MCM9: variants seen among roughly 807,000 people sequenced by gnomAD.
The protein encoded by MCM9 is DNA helicase MCM9.
Under a neutral mutation model 72.8 loss-of-function variants are expected in MCM9, and 55 were observed. That is an observed-to-expected ratio of 0.76 (90% CI 0.61 to 0.95). MCM9 has a LOEUF of 0.95. MCM9 is among the 40% of genes least tolerant of loss of function. The pLI is 0.00. For synonymous variants in MCM9, 480 were observed against 503.4 expected (o/e 0.95, Z 0.62); for missense variants, 1,279 against 1,377.0 (o/e 0.93, Z 1.13).
At chr6:118,868,008 T>C (rs1004679191) in intron 8 of MCM9, among the ~76,000 whole-genome samples, 1 of 151,460 alleles carries the variant, frequency 6.6e-6, no homozygotes, top group African/African-American at 2.4e-5. Context: ...TCCAGAGTAG[T>C]TGGGACTACA....
In MCM9 at chr6:118,815,583, G is replaced by T. The variant is rs1403122717; in HGVS notation, c.2673C>A (p.Pro891=). ...CAAGGGATTTCGGTCTCTTTCTTTTGGGTGAGTCCAGCATTCTGTCTGGGC... is the reference window on the plus strand; with the variant it reads ...CAAGGGATTTCGGTCTCTTTCTTTTTGGTGAGTCCAGCATTCTGTCTGGGC... ...VHSPDRMLDS[P]KRKRPKSLAQ... Residue 891 remains proline (P), a synonymous_variant, in exon 14 of 14, where the codon CCC becomes CCA. Transcript: ENST00000619706. The T allele has an allele frequency of 2.6e-6, 4 of 1,550,232 alleles. No individual in the cohort carries two copies. Among genetic ancestry groups the T allele is most frequent in the Non-Finnish European group, 3.5e-6 (4 of 1,146,880 alleles).
rs554695966 is a variant in MCM9 at position 118,826,237 on chromosome 6, G to C, written c.1871C>G (p.Pro624Arg). The C allele has an allele frequency of 7.7e-6, 12 of 1,550,420 alleles. No individual in the cohort carries two copies. In the South Asian group the frequency reaches 1.4e-4, roughly 18 times the overall value. Residue 624 changes from proline (P) to arginine (R), a missense_variant, in exon 13 of 14, where the codon CCT (proline) becomes CGT (arginine). Physicochemically the swap from Pro to Arg is moderately radical, Grantham distance 103 (BLOSUM62 -2). Coordinates refer to ENST00000619706, the MANE Select transcript of MCM9 (RefSeq NM_017696.3). ...ACACTGTCTCTGGTACTGCTCTCCA[G>C]GGTTTTCAGGAAAGGAAGTGTGGAG... is the stretch of plus-strand genomic sequence containing the variant. ...NALHTSFPEN[P>R]GEQYQRQCEL... is the part of the protein sequence containing the mutation.
Position 118,889,830 on chromosome 6 carries a change from C to A in MCM9, c.1150+21820G>T, listed in dbSNP as rs867108698. Among the ~76,000 whole-genome samples the A allele has an allele frequency of 8.5e-5, 13 of 152,108 alleles. No homozygotes were observed. The South Asian group carries it at 2.1e-3, about 24-fold the overall frequency. On this transcript the variant is annotated intron_variant, in intron 8 of 13. Transcript: ENST00000619706. ...TGCAAAAGGTGTTTTACAGTATAGT[C>A]CAGCTATGGATAAGGGATCAGATAT... is the stretch of plus-strand genomic sequence containing the variant.
chr6:118,877,209 C>T (rs1777989759), intron 8 of MCM9, among the ~76,000 whole-genome samples: 1 of 152,190 alleles, frequency 6.6e-6, no homozygotes, highest in Admixed American at 6.5e-5. Context: ...GAAAGTGGAT[C>T]CTCCAGCCCC....
At chr6:118,906,375 A>G (rs972219164) in intron 8 of MCM9, among the ~76,000 whole-genome samples, 2 of 152,128 alleles carry the variant, frequency 1.3e-5, no homozygotes, top group Admixed American at 6.6e-5. Context: ...GCCCAGAGAA[A>G]GTACTTCTTG....
At chr6:118,825,882 C>G (rs527304171) in intron 13 of MCM9, among the ~76,000 whole-genome samples, 9 of 152,240 alleles carry the variant, frequency 5.9e-5, no homozygotes, top group African/African-American at 2.2e-4. Context: ...CCCCACCGAG[C>G]CTGCCTGAAT....
At chr6:118,929,194 T>A (rs1218768464) in intron 3 of MCM9, among the ~76,000 whole-genome samples, 2 of 152,246 alleles carry the variant, frequency 1.3e-5, no homozygotes. Context: ...GACTCCAGCC[T>A]GGACAACAGA....
intron 1 of MCM9, 115 bp downstream of exon 1, chr6:118,934,776 C>T (rs891580049): frequency 7.9e-5 from 12 of 152,328 alleles, no homozygotes; most frequent in African/African-American, 2.9e-4. Flanking sequence ...CGGGCAGCTC[C>T]CGTGCCTGTC....
chr6:118,913,172 G>A (rs1433940651), intron 7 of MCM9, 123 bp downstream of exon 7: 49 of 1,100,364 alleles, frequency 4.5e-5, no homozygotes, highest in Non-Finnish European at 5.7e-5. Context: ...TCAGACAACT[G>A]TCAGTTTTAT....
intron 6 of MCM9, among the ~76,000 whole-genome samples, chr6:118,916,432 C>CATCATT (rs1554261915): frequency 2.8e-5 from 4 of 142,394 alleles, no homozygotes; most frequent in Admixed American, 1.4e-4. Context: ...GAAATGGAAG[C>CATCATT]ATTATTATTA....
At chr6:118,926,354 C>T (rs918823264) in intron 3 of MCM9, among the ~76,000 whole-genome samples, 3 of 152,170 alleles carry the variant, frequency 2.0e-5, no homozygotes, top group South Asian at 2.1e-4. Context: ...AATAATCTAA[C>T]ACAAGGCCTA....
At chr6:118,816,371 C>CT in intron 13 of MCM9, 77 bp from the exon 14 acceptor site, 1 of 1,233,638 alleles carries the variant, frequency 8.1e-7, no homozygotes, top group Admixed American at 3.2e-5. Context: ...TCTTTAGTCT[C>CT]TGAGATACCA....
chr6:118,881,134 T>A (rs913978529), intron 8 of MCM9, among the ~76,000 whole-genome samples: 95 of 152,330 alleles, frequency 6.2e-4, no homozygotes, highest in African/African-American at 2.2e-3. Flanking sequence ...TATGGGAAAT[T>A]GAAATCATGC....
chr6:118,889,613 G>A (rs1033627455), intron 8 of MCM9, among the ~76,000 whole-genome samples: 1 of 152,178 alleles, frequency 6.6e-6, no homozygotes, highest in African/African-American at 2.4e-5. Context: ...GAGGAAACGA[G>A]TTTAGAAAGA....
chr6:118,917,859 C>A (rs940026135), intron 5 of MCM9, 98 bp from the exon 6 acceptor site: 4 of 1,033,252 alleles, frequency 3.9e-6, no homozygotes, highest in Admixed American at 3.9e-5. Context: ...AAACCACTCC[C>A]TTACTAGAGT....
chr6:118,931,744 GA>G lies in MCM9; in HGVS notation c.-15-7del, dbSNP rs768549255. On this transcript the variant is annotated splice_polypyrimidine_tract_variant and splice_region_variant and intron_variant, in intron 2 of 13. Coordinates refer to ENST00000619706, the MANE Select transcript of MCM9 (RefSeq NM_017696.3). ...TTCATCTTGAATCTAGGTAACTAAAGAAAAAAAAAAGGATCATATTATATAT... is the reference window on the plus strand; with the variant it reads ...TTCATCTTGAATCTAGGTAACTAAAGAAAAAAAAAGGATCATATTATATAT... The G allele has an allele frequency of 5.9e-4, 785 of 1,337,008 alleles. No homozygotes were observed. The highest frequency in any genetic ancestry group is 1.3e-3 in the Admixed American group (52 of 39,222). 82.8% of individuals were successfully genotyped at this position (1,337,008 alleles called of 1,614,324 possible).
chr6:118,814,939 AGC>A lies in MCM9; in HGVS notation c.3315_3316del (p.Gln1105HisfsTer23). The A allele has an allele frequency of 6.5e-7, 1 of 1,543,288 alleles. No individual in the cohort carries two copies. Among genetic ancestry groups the A allele is most frequent in the Non-Finnish European group, 8.7e-7 (1 of 1,143,396 alleles). On this transcript the variant is annotated frameshift_variant, in exon 14 of 14. Transcript: ENST00000619706. LOFTEE classifies it low-confidence loss of function (END_TRUNC). ...AATCAGTTTCTCGGTGGACCCACGG[AGC>A]TGAAAAGATTTCCTTTTACTGACAC...
chr6:118,852,677 A>G (rs1461385829), intron 9 of MCM9, among the ~76,000 whole-genome samples: 1 of 152,214 alleles, frequency 6.6e-6, no homozygotes, highest in Non-Finnish European at 1.5e-5. Flanking sequence ...GGGCAGAGTG[A>G]ATTCATGTCT....
rs775914314 is a variant in MCM9, at chr6:118,923,928, C to G, written c.504G>C (p.Arg168=). ...TCTCCAAGCTGGGACACGAGGATGG[C>G]CGGCAAAAGGTGTAATACTGCTCAA... ...ADFEQYYTFC[R]PSSCPSLESC... Residue 168 remains arginine, a synonymous_variant, in exon 4 of 14, where the codon CGG becomes CGC. Transcript: ENST00000619706. 1 of 1,614,192 alleles carries G rather than the reference C, an allele frequency of 6.2e-7. No individual in the cohort carries two copies. Among genetic ancestry groups the G allele is most frequent in the Non-Finnish European group, 8.5e-7 (1 of 1,180,024 alleles).
Sources: gnomAD v4.1 joint callset for allele counts (sites outside exome capture counted in the v4.1 genomes callset) on GRCh38, gnomAD v4.1.1 for gene constraint, MANE v1.5 for transcripts, NCBI Gene and HGNC (gene_info 2026-07-23, HGNC 2026-07-21) for gene names.